The following ST6GALNAC3 variants were observed in gnomAD, a reference collection of about 807,000 sequenced individuals.
ST6GALNAC3 encodes the protein ST6 N-acetylgalactosaminide alpha-2,6-sialyltransferase 3, also known as alpha-N-acetylgalactosaminide alpha-2,6-sialyltransferase 3.
In ST6GALNAC3, 25 loss-of-function variants were observed where a neutral mutation model predicts 32.7. That is an observed-to-expected ratio of 0.76 (90% confidence interval 0.56 to 1.07). The LOEUF (loss-of-function observed/expected upper bound fraction) is 1.07. Ranked by LOEUF, ST6GALNAC3 falls within the 50% of genes least tolerant of loss-of-function variation. The pLI, the probability that ST6GALNAC3 is intolerant of heterozygous loss-of-function variation, is 0.00. For missense variants in ST6GALNAC3, 355 were observed against 382.4 expected (o/e 0.93, Z 0.60); for synonymous variants, 129 against 133.1 (o/e 0.97, Z 0.21).
chr1:76,570,487 A>G (rs150421150), intron 3 of ST6GALNAC3, among the ~76,000 whole-genome samples: 284 of 152,006 alleles, frequency 1.9e-3, no homozygotes, highest in African/African-American at 6.5e-3. Flanking sequence ...ACCTTCCTCT[A>G]TTTACTATGA....
At chr1:76,294,193 TAGTC>T (rs1248031864) in intron 1 of ST6GALNAC3, among the ~76,000 whole-genome samples, 3 of 152,226 alleles carry the variant, frequency 2.0e-5, no homozygotes, top group Non-Finnish European at 4.4e-5. Context: ...TTACTGCCAT[TAGTC>T]AGTATTTTCA....
At chr1:76,094,448 T>A (rs1013211360) in intron 1 of ST6GALNAC3, among the ~76,000 whole-genome samples, 1 of 152,156 alleles carries the variant, frequency 6.6e-6, no homozygotes, top group Non-Finnish European at 1.5e-5. Flanking sequence ...ATATCCTTAT[T>A]CTCCAACACT....
At chr1:76,081,735 C>A (rs1398211038) in intron 1 of ST6GALNAC3, among the ~76,000 whole-genome samples, 1 of 152,090 alleles carries the variant, frequency 6.6e-6, no homozygotes, top group Non-Finnish European at 1.5e-5. Flanking sequence ...GTTGGATTTA[C>A]CCTGAACGCA....
intron 3 of ST6GALNAC3, among the ~76,000 whole-genome samples, chr1:76,501,698 C>A (rs970817835): frequency 2.0e-5 from 3 of 152,200 alleles, no homozygotes; most frequent in African/African-American, 7.2e-5. Flanking sequence ...AGGAACAAAG[C>A]TTCAGAAGCT....
chr1:76,124,276 T>TGGAG (rs71244411), intron 1 of ST6GALNAC3, among the ~76,000 whole-genome samples: 48,865 of 151,734 alleles, frequency 0.32, 8,723 homozygotes, highest in South Asian at 0.43. Context: ...GGTAGAGAGC[T>TGGAG]GTGAAGCTGA....
rs370795804 is a variant in ST6GALNAC3, at chr1:76,277,528, GTATATATATATATATATA to G, written c.19-36254_19-36237del. Reference sequence around the variant, plus strand: ...AAGACATATATGTATATGTTTATGTGTATATATATATATATATATATATATATATATATATATATACAC... The same window carrying G: ...AAGACATATATGTATATGTTTATGTGTATATATATATATATATATATACAC... On this transcript the variant is annotated intron_variant, in intron 1 of 4. Coordinates refer to ENST00000328299, the MANE Select transcript of ST6GALNAC3 (RefSeq NM_152996.4). Among the ~76,000 whole-genome samples the G allele has an allele frequency of 6.7e-4, 57 of 84,590 alleles. 2 individuals carry two copies. Among genetic ancestry groups the G allele is most frequent in the African/African-American group, 2.8e-3 (52 of 18,598 alleles). The allele number at this position is 84,590 out of a possible 152,430, so 55.5% of individuals were successfully genotyped here.
intron 1 of ST6GALNAC3, among the ~76,000 whole-genome samples, chr1:76,283,085 C>T (rs937917744): frequency 6.6e-6 from 1 of 151,940 alleles, no homozygotes; most frequent in Non-Finnish European, 1.5e-5. Flanking sequence ...TGGGTTGCCT[C>T]CTGCCCCTGA....
intron 3 of ST6GALNAC3, among the ~76,000 whole-genome samples, chr1:76,420,652 A>T (rs927681499): frequency 6.6e-6 from 1 of 151,894 alleles, no homozygotes; most frequent in Non-Finnish European, 1.5e-5. Flanking sequence ...CTCAGCAGTA[A>T]CTCCTTTTCT....
At chr1:76,565,202 A>G (rs980331441) in intron 3 of ST6GALNAC3, among the ~76,000 whole-genome samples, 24 of 152,150 alleles carry the variant, frequency 1.6e-4, no homozygotes, top group African/African-American at 5.6e-4. Flanking sequence ...AACTGAGGAC[A>G]CACCCCTTTA....
intron 2 of ST6GALNAC3, among the ~76,000 whole-genome samples, chr1:76,345,184 C>T (rs1648399641): frequency 6.6e-6 from 1 of 152,140 alleles, no homozygotes; most frequent in African/African-American, 2.4e-5. Flanking sequence ...GCTCCTTCTC[C>T]CCCGGACAGT....
At chr1:76,457,679 A>G (rs1230545040) in intron 3 of ST6GALNAC3, among the ~76,000 whole-genome samples, 1 of 152,156 alleles carries the variant, frequency 6.6e-6, no homozygotes, top group African/African-American at 2.4e-5. Flanking sequence ...CTGGCTAGCC[A>G]TATGTAGAAA....
At chr1:76,385,647 T>C (rs569867124) in intron 2 of ST6GALNAC3, among the ~76,000 whole-genome samples, 1 of 152,212 alleles carries the variant, frequency 6.6e-6, no homozygotes, top group East Asian at 1.9e-4. Flanking sequence ...GAGGATCGGA[T>C]CATTCCTTAT....
At chr1:76,184,518 A>AGCGCGCGC (rs1229767694) in intron 1 of ST6GALNAC3, among the ~76,000 whole-genome samples, 1 of 68,862 alleles carries the variant, frequency 1.5e-5, no homozygotes, top group African/African-American at 4.2e-5. Flanking sequence ...CCTCCTGGGC[A>AGCGCGCGC]GCACACACAC....
rs1283711028 is a variant in ST6GALNAC3, at chr1:76,384,260, A to G, written c.214-27748A>G. Among the ~76,000 whole-genome samples, 5 of 152,180 alleles carry G rather than the reference A, an allele frequency of 3.3e-5. No individual in the cohort carries two copies. In the East Asian group the frequency reaches 9.6e-4, roughly 29 times the overall value. ...TACAGCTGTACTGATATTAGGCATT[A>G]TAGATTTTAAGGAAGGAAATCATGT... On this transcript the variant is annotated intron_variant, in intron 2 of 4. Transcript: ENST00000328299.
intron 3 of ST6GALNAC3, among the ~76,000 whole-genome samples, chr1:76,534,278 A>G (rs221522): frequency 0.82 from 124,241 of 151,964 alleles, 52,376 homozygotes; most frequent in East Asian, 0.99. Flanking sequence ...CCTGACTTCA[A>G]GTGATCCACC....
intron 3 of ST6GALNAC3, among the ~76,000 whole-genome samples, chr1:76,576,323 G>T (rs192132742): frequency 1.3e-5 from 2 of 152,174 alleles, no homozygotes; most frequent in Admixed American, 6.5e-5. Context: ...CGTAGACACT[G>T]TGGAAAATGA....
intron 2 of ST6GALNAC3, among the ~76,000 whole-genome samples, chr1:76,393,833 C>T (rs921782901): frequency 6.6e-6 from 1 of 151,542 alleles, no homozygotes; most frequent in African/African-American, 2.4e-5. Flanking sequence ...GTCTTTAGTG[C>T]GCTGAAGGAG....
chr1:76,441,746 T>C (rs1656622070), intron 3 of ST6GALNAC3, among the ~76,000 whole-genome samples: 1 of 152,122 alleles, frequency 6.6e-6, no homozygotes, highest in Non-Finnish European at 1.5e-5. Flanking sequence ...CCATTAACCA[T>C]TCCCACCTCC....
intron 1 of ST6GALNAC3, among the ~76,000 whole-genome samples, chr1:76,236,673 C>T (rs957355918): frequency 3.2e-4 from 48 of 152,168 alleles, no homozygotes; most frequent in African/African-American, 1.1e-3. Flanking sequence ...TGATTATAAA[C>T]AAGACTATAA....
Sources: gnomAD v4.1 joint callset for allele counts (sites outside exome capture counted in the v4.1 genomes callset) on GRCh38, gnomAD v4.1.1 for gene constraint, MANE v1.5 for transcripts, NCBI Gene and HGNC (gene_info 2026-07-23, HGNC 2026-07-21) for gene names.